The following TUBA1C variants were observed in gnomAD, a reference collection of about 807,000 sequenced individuals.
TUBA1C encodes the protein tubulin alpha 1c.
A neutral mutation model predicts 34.9 loss-of-function variants in TUBA1C; 16 were observed. The observed-to-expected ratio is 0.46, with a 90% CI of 0.31 to 0.70. TUBA1C has a LOEUF of 0.70. Among genes scored for constraint, TUBA1C ranks in the 30% least tolerant of loss-of-function variants. TUBA1C has a pLI of 0.05. For synonymous variants in TUBA1C, 177 were observed against 215.9 expected, an observed-to-expected ratio of 0.82 and a Z score of 1.58; for missense variants, 329 against 587.3, an observed-to-expected ratio of 0.56 and a Z score of 4.55.
chr12:49,255,405 A>AATATATATATATATAT (rs142218984), intron 1 of TUBA1C, among the ~76,000 whole-genome samples: 14 of 141,306 alleles, frequency 9.9e-5, no homozygotes, highest in African/African-American at 3.3e-4. Context: ...ATCTTTAAAA[A>AATATATATATATATAT]ATATATATAT....
Position 49,245,699 on chromosome 12 carries a change from G to A in TUBA1C, c.213+17533G>A, listed in dbSNP as rs147265377. ...CATTCTCAGCTGTCCCTTCAGCTCC[G>A]TCAGCAAGAGGATTTTGCCAGGGTG... is the stretch of plus-strand genomic sequence containing the variant. On this transcript the variant is annotated intron_variant, in intron 1 of 3. Coordinates refer to the TUBA1C transcript ENST00000541364. 3.0e-3 allele frequency among the ~76,000 whole-genome samples: 451 copies of A among 152,256 alleles called. 3 individuals carry two copies. The highest frequency in any genetic ancestry group is 3.9e-3 in the Admixed American group (60 of 15,276).
intron 1 of TUBA1C, among the ~76,000 whole-genome samples, chr12:49,253,323 G>T (rs1211124990): frequency 2.6e-5 from 4 of 152,076 alleles, no homozygotes; most frequent in South Asian, 2.1e-4. Context: ...CATGAGAGTT[G>T]GTAGGTGTAA....
In TUBA1C at chr12:49,265,179, G is replaced by T. The variant is rs772695608; in HGVS notation, c.-3G>T. ...CCGCCGCAGACCCCTTCAAGTTCTA[G>T]TCATGGTGAGTGGGGTTCCCTCGGG... On this transcript the variant is annotated 5_prime_UTR_variant, in exon 1 of 4. Transcript: ENST00000301072. The T allele has an allele frequency of 6.2e-7, 1 of 1,603,832 alleles. No individual in the cohort carries two copies. The highest frequency in any genetic ancestry group is 1.7e-5 in the Admixed American group (1 of 59,700).
intron 1 of TUBA1C, among the ~76,000 whole-genome samples, chr12:49,267,627 G>A (rs1341592313): frequency 1.3e-5 from 2 of 152,166 alleles, no homozygotes; most frequent in Non-Finnish European, 2.9e-5. Context: ...GCGACAGAGC[G>A]AGACTTTTTC....
intron 1 of TUBA1C, among the ~76,000 whole-genome samples, chr12:49,250,964 T>C (rs1198380761): frequency 6.6e-6 from 1 of 152,216 alleles, no homozygotes. Flanking sequence ...CCCAGCACTT[T>C]GGGAGGCCAA....
At chr12:49,237,900 C>G (rs1243091862) in intron 1 of TUBA1C, among the ~76,000 whole-genome samples, 1 of 151,644 alleles carries the variant, frequency 6.6e-6, no homozygotes, top group Non-Finnish European at 1.5e-5. Flanking sequence ...CTTGAGGTCA[C>G]GAGTTTGAGA....
intron 1 of TUBA1C, among the ~76,000 whole-genome samples, chr12:49,247,327 TG>T (rs2136999098): frequency 6.8e-6 from 1 of 147,094 alleles, no homozygotes; most frequent in South Asian, 2.2e-4. Flanking sequence ...GAGGCTGAGG[TG>T]GGTGGATCAC....
chr12:49,273,548 GC>G lies in TUBA1C; in HGVS notation c.*324del. On this transcript the variant is annotated 3_prime_UTR_variant, in exon 4 of 4. Coordinates refer to ENST00000301072, the MANE Select transcript of TUBA1C (RefSeq NM_032704.5). Reference sequence around the variant, plus strand: ...GGGGACTGCAGGTGCACACCACCATGCCCAGCTATTTTTATTTCTTGTAGAG... The same window carrying G: ...GGGGACTGCAGGTGCACACCACCATGCCAGCTATTTTTATTTCTTGTAGAG... 1 of 399,160 alleles carries G rather than the reference GC, an allele frequency of 2.5e-6. No homozygotes were observed. The highest frequency in any genetic ancestry group is 5.8e-5 in the East Asian group (1 of 17,096). The allele number at this position is 399,160 out of a possible 1,614,324, so 24.7% of individuals were successfully genotyped here. A position where few individuals can be genotyped will look rare whatever the true frequency, so the allele number is the denominator to read the frequency against.
chr12:49,240,748 G>A (rs1216147313), intron 1 of TUBA1C, among the ~76,000 whole-genome samples: 1 of 151,968 alleles, frequency 6.6e-6, no homozygotes, highest in Non-Finnish European at 1.5e-5. Flanking sequence ...CCACCACACT[G>A]GACTAATTTT....
intron 1 of TUBA1C, among the ~76,000 whole-genome samples, chr12:49,249,384 G>A (rs756233643): frequency 6.6e-6 from 1 of 152,060 alleles, no homozygotes. Context: ...CTGAGATGGC[G>A]CCACTGCACT....
upstream of TUBA1C, among the ~76,000 whole-genome samples, chr12:49,264,325 G>A (rs561985089): frequency 6.6e-6 from 1 of 152,342 alleles, no homozygotes; most frequent in Admixed American, 6.5e-5. Context: ...CTATCGGGAG[G>A]AGACTGTTAG....
At chr12:49,252,994 G>T (rs187230377) in intron 1 of TUBA1C, among the ~76,000 whole-genome samples, 5 of 150,858 alleles carry the variant, frequency 3.3e-5, no homozygotes, top group African/African-American at 9.7e-5. Flanking sequence ...TGAGGCAGGA[G>T]AATTCCTTGA....
In TUBA1C at chr12:49,270,803, ACC is replaced by A. The variant is rs557442021; in HGVS notation, c.375+829_375+830del. Reference sequence around the variant, plus strand: ...AGACCATCCTGGCTAACATGGTGAAACCCTCTCTACTAAAAATACAAAAAAAT... The same window carrying A: ...AGACCATCCTGGCTAACATGGTGAAACTCTCTACTAAAAATACAAAAAAAT... On this transcript the variant is annotated intron_variant, in intron 3 of 3. Transcript: ENST00000301072. Among the ~76,000 whole-genome samples, 33 of 152,096 alleles carry A rather than the reference ACC, an allele frequency of 2.2e-4. 1 individual carries two copies. In the East Asian group the frequency reaches 6.4e-3, roughly 29 times the overall value.
chr12:49,235,383 GGT>G (rs1942543341), intron 1 of TUBA1C, among the ~76,000 whole-genome samples: 3 of 152,162 alleles, frequency 2.0e-5, no homozygotes, highest in African/African-American at 7.2e-5. Flanking sequence ...TTTCCGGAAA[GGT>G]GTCGGGGTTG....
exon 1 of TUBA1C, chr12:49,228,151 T>C (rs1384038412): frequency 2.6e-6 from 4 of 1,535,602 alleles, no homozygotes; most frequent in Non-Finnish European, 8.7e-7. Flanking sequence ...GAGGAGAACC[T>C]GGCTGTGATT....
rs2137021627 is a variant in TUBA1C at position 49,269,602 on chromosome 12, T to C, written c.141T>C (p.Asp47=). The C allele has an allele frequency of 3.1e-6, 5 of 1,614,164 alleles. No homozygotes were observed. Among genetic ancestry groups the C allele is most frequent in the Non-Finnish European group, 4.2e-6 (5 of 1,180,020 alleles). ...PSDKTIGGGD[D]SFNTFFSETG... ...ACAAGACCATTGGGGGAGGAGATGA[T>C]TCCTTCAACACCTTCTTCAGTGAAA... The change falls in exon 2 of 4, where the codon GAT becomes GAC. Residue 47 remains aspartate (D), a synonymous_variant. Transcript: ENST00000301072.
At chr12:49,272,161 A>G in intron 3 of TUBA1C, 92 bp from the exon 4 acceptor site, 2 of 1,524,024 alleles carry the variant, frequency 1.3e-6, no homozygotes, top group South Asian at 1.4e-5. Flanking sequence ...TGGAGTAGCC[A>G]TAGATTTATA....
intron 1 of TUBA1C, among the ~76,000 whole-genome samples, chr12:49,267,719 G>A (rs1327675142): frequency 6.6e-6 from 1 of 152,228 alleles, no homozygotes; most frequent in African/African-American, 2.4e-5. Flanking sequence ...CACCCCTGGA[G>A]CTGGGTGAGT....
chr12:49,250,580 G>C (rs1464310728), intron 1 of TUBA1C, among the ~76,000 whole-genome samples: 2 of 149,824 alleles, frequency 1.3e-5, no homozygotes, highest in Non-Finnish European at 3.0e-5. Flanking sequence ...ATGAAAGAGA[G>C]GACATCAATC....
Sources: gnomAD v4.1 joint callset for allele counts (sites outside exome capture counted in the v4.1 genomes callset) on GRCh38, gnomAD v4.1.1 for gene constraint, MANE v1.5 for transcripts, NCBI Gene and HGNC (gene_info 2026-07-23, HGNC 2026-07-21) for gene names.